SND1: variants seen among roughly 807,000 people sequenced by gnomAD.
SND1 encodes the protein staphylococcal nuclease domain-containing protein 1.
Under a neutral mutation model 121.7 loss-of-function variants are expected in SND1, and 38 were observed. The ratio of observed to expected loss-of-function variants is 0.31; its 90% CI spans 0.24 to 0.41. SND1 has a LOEUF of 0.41. SND1 is among the 10% of genes least tolerant of loss of function. The pLI, the probability that SND1 is intolerant of heterozygous loss-of-function variation, is 1.00. For synonymous variants in SND1, 401 were observed against 447.4 expected, an observed-to-expected ratio of 0.90 and a Z score of 1.31; for missense variants, 868 against 1,184.6, an observed-to-expected ratio of 0.73 and a Z score of 3.92.
intron 11 of SND1, among the ~76,000 whole-genome samples, chr7:127,823,255 A>ATTGGTTTT (rs1256691278): frequency 3.3e-5 from 5 of 152,202 alleles, no homozygotes; most frequent in Admixed American, 6.5e-5. Context: ...CAGTCCAGCA[A>ATTGGTTTT]GATTACAGTC....
At chr7:127,840,672 A>G (rs1798948208) in intron 11 of SND1, among the ~76,000 whole-genome samples, 1 of 152,216 alleles carries the variant, frequency 6.6e-6, no homozygotes, top group Non-Finnish European at 1.5e-5. Context: ...TTGACAGGTC[A>G]GTGTTGAATA....
At chr7:128,086,481 A>C in intron 20 of SND1, 3 of 251,856 alleles carry the variant, frequency 1.2e-5, no homozygotes, top group South Asian at 4.4e-5. Flanking sequence ...GTCCTGCCAG[A>C]CAAGGGTGAA....
At chr7:127,961,032 CAA>C (rs1490960329) in intron 15 of SND1, among the ~76,000 whole-genome samples, 1 of 152,190 alleles carries the variant, frequency 6.6e-6, no homozygotes, top group Non-Finnish European at 1.5e-5. Context: ...CAAACCCTAA[CAA>C]AGTCAGCTTT....
intron 10 of SND1, among the ~76,000 whole-genome samples, chr7:127,757,418 C>A (rs1328869653): frequency 6.6e-6 from 1 of 152,210 alleles, no homozygotes; most frequent in Non-Finnish European, 1.5e-5. Flanking sequence ...TGCGCACATT[C>A]GTTTGTTTGT....
intron 15 of SND1, among the ~76,000 whole-genome samples, chr7:127,976,841 C>T (rs1483404103): frequency 6.6e-6 from 1 of 152,138 alleles, no homozygotes; most frequent in African/African-American, 2.4e-5. Flanking sequence ...GGGGCTGCTG[C>T]TGAGAGACAG....
At chr7:127,824,488 T>G (rs1798608049) in intron 11 of SND1, among the ~76,000 whole-genome samples, 1 of 152,358 alleles carries the variant, frequency 6.6e-6, no homozygotes, top group East Asian at 1.9e-4. Flanking sequence ...CTTGATAAGT[T>G]GTTTATTCTA....
At chr7:127,796,015 T>A (rs1179219714) in intron 10 of SND1, among the ~76,000 whole-genome samples, 1 of 151,936 alleles carries the variant, frequency 6.6e-6, no homozygotes, top group Non-Finnish European at 1.5e-5. Flanking sequence ...CCATCACCAC[T>A]ACCAGCTAAT....
At chr7:127,990,615 A>G (rs1323848431) in intron 15 of SND1, among the ~76,000 whole-genome samples, 1 of 152,202 alleles carries the variant, frequency 6.6e-6, no homozygotes, top group Non-Finnish European at 1.5e-5. Context: ...CTGCGAGACT[A>G]TGGGACCGTC....
intron 12 of SND1, among the ~76,000 whole-genome samples, chr7:127,867,796 T>C (rs989529434): frequency 4.6e-5 from 7 of 152,066 alleles, no homozygotes; most frequent in Non-Finnish European, 8.8e-5. Context: ...ATTTTTAGAA[T>C]CATTCCATAA....
chr7:127,855,593 G>GA (rs1434004981), intron 12 of SND1, among the ~76,000 whole-genome samples: 1 of 152,090 alleles, frequency 6.6e-6, no homozygotes, highest in Non-Finnish European at 1.5e-5. Flanking sequence ...GATTATAGGT[G>GA]ATACTGCATT....
chr7:128,057,085 G>A (rs1055113601), intron 16 of SND1, among the ~76,000 whole-genome samples: 2 of 152,106 alleles, frequency 1.3e-5, no homozygotes, highest in Non-Finnish European at 2.9e-5. Context: ...TACTCAGAAC[G>A]GCACACAGTT....
At chr7:127,837,332 C>A (rs1322872592) in intron 11 of SND1, among the ~76,000 whole-genome samples, 1 of 152,128 alleles carries the variant, frequency 6.6e-6, no homozygotes, top group Non-Finnish European at 1.5e-5. Flanking sequence ...AAAAAAAGAT[C>A]TCAACACTTT....
At chr7:127,914,894 G>GAA (rs1172951022) in intron 14 of SND1, among the ~76,000 whole-genome samples, 5 of 152,176 alleles carry the variant, frequency 3.3e-5, no homozygotes. Context: ...TCCCCTGTGG[G>GAA]AAATGGGTAT....
intron 16 of SND1, among the ~76,000 whole-genome samples, chr7:128,025,905 T>A (rs933824399): frequency 6.6e-6 from 1 of 152,110 alleles, no homozygotes; most frequent in African/African-American, 2.4e-5. Context: ...TAGGACTCTT[T>A]CCCGAGATTG....
chr7:127,895,787 C>A (rs1800107511), intron 13 of SND1, among the ~76,000 whole-genome samples: 1 of 152,064 alleles, frequency 6.6e-6, no homozygotes, highest in Admixed American at 6.6e-5. Flanking sequence ...GCACAAATGG[C>A]CACTTCTGGA....
chr7:127,662,676 G>A (rs77660144), intron 1 of SND1, among the ~76,000 whole-genome samples: 2,937 of 151,974 alleles, frequency 0.019, 54 homozygotes, highest in Non-Finnish European at 0.026. Context: ...TTTTTGTTTG[G>A]TAGTTTTATT....
At chr7:127,748,962 G>C (rs1000690618) in intron 10 of SND1, among the ~76,000 whole-genome samples, 11 of 151,882 alleles carry the variant, frequency 7.2e-5, no homozygotes, top group African/African-American at 2.7e-4. Context: ...GATTCCTGCT[G>C]TGCACCCCCC....
intron 12 of SND1, among the ~76,000 whole-genome samples, chr7:127,876,041 A>G (rs946998930): frequency 1.3e-5 from 2 of 152,150 alleles, no homozygotes; most frequent in African/African-American, 4.8e-5. Context: ...ATAAATGTAC[A>G]GCGTTTAGAA....
chr7:128,038,688 G>GTTT lies in SND1; in HGVS notation c.1780-35805_1780-35803dup, dbSNP rs538660678. Among the ~76,000 whole-genome samples the GTTT allele has an allele frequency of 4.3e-3, 629 of 146,198 alleles. 3 individuals are homozygous for GTTT. Among genetic ancestry groups the GTTT allele is most frequent in the African/African-American group, 0.011 (433 of 40,086 alleles). ...TTGTTTTTAACAGTTACTGGGTTGG[G>GTTT]TTTTTTTTTTTGAGGTAATTTTAGA... On this transcript the variant is annotated intron_variant, in intron 16 of 23. Transcript: ENST00000354725.
Sources: gnomAD v4.1 joint callset for allele counts (sites outside exome capture counted in the v4.1 genomes callset) on GRCh38, gnomAD v4.1.1 for gene constraint, MANE v1.5 for transcripts, NCBI Gene and HGNC (gene_info 2026-07-23, HGNC 2026-07-21) for gene names.